Variants in UNC13C observed in about 807,000 individuals in gnomAD.
UNC13C encodes protein unc-13 homolog C.
Under a neutral mutation model 245.4 loss-of-function variants are expected in UNC13C, and 174 were observed. The observed-to-expected ratio is 0.71, with a 90% CI of 0.63 to 0.80. The LOEUF is 0.80. Among genes scored for constraint, UNC13C ranks in the 30% least tolerant of loss-of-function variants. The pLI is 0.00. For missense variants in UNC13C, 2,829 were observed against 2,602.9 expected (o/e 1.09, Z -1.89); for synonymous variants, 992 against 895.1 (o/e 1.11, Z -1.93).
At chr15:54,338,560 A>G (rs12913366) in intron 17 of UNC13C, 71 bp downstream of exon 17, 466,060 of 1,512,472 alleles carry the variant, frequency 0.31, 73,196 homozygotes, top group Admixed American at 0.36. Flanking sequence ...AGTTTAGCAT[A>G]ATAGTAAATA....
chr15:54,448,753 T>A (rs1365992117), intron 19 of UNC13C, among the ~76,000 whole-genome samples: 1 of 152,232 alleles, frequency 6.6e-6, no homozygotes, highest in Admixed American at 6.5e-5. Context: ...GTCTTTTAAT[T>A]GGAGCATTTA....
chr15:54,248,655 C>A (rs1349631054), intron 7 of UNC13C, among the ~76,000 whole-genome samples: 1 of 152,112 alleles, frequency 6.6e-6, no homozygotes, highest in East Asian at 1.9e-4. Flanking sequence ...TCTGAATAAA[C>A]CCTAATATTA....
the UNC13C span, among the ~76,000 whole-genome samples, chr15:53,923,425 C>A: frequency 6.6e-6 from 1 of 152,186 alleles, no homozygotes; most frequent in Non-Finnish European, 1.5e-5. Context: ...TTTACAGATT[C>A]TTCCATGATA....
At position 54,270,270 on chromosome 15, in the gene UNC13C, A is replaced by C. The variant is rs548607900; in HGVS notation, c.3818+4774A>C. Among the ~76,000 whole-genome samples the C allele has an allele frequency of 1.5e-4, 23 of 152,348 alleles. 2 individuals carry two copies. The South Asian group carries it at 4.6e-3, about 30-fold the overall frequency. ...TTCAGACGTTGAAAAATGTATACAC[A>C]TCACAGATGAACTCATCCATACCTT... On this transcript the variant is annotated intron_variant, in intron 10 of 32. Transcript: ENST00000260323.
chr15:54,424,468 G>A (rs928207471), intron 19 of UNC13C, among the ~76,000 whole-genome samples: 1 of 151,828 alleles, frequency 6.6e-6, no homozygotes, highest in African/African-American at 2.4e-5. Context: ...TGTTGGTTCT[G>A]TTGGGTTGAC....
chr15:54,307,845 T>G (rs1276584439), intron 13 of UNC13C, among the ~76,000 whole-genome samples: 1 of 151,938 alleles, frequency 6.6e-6, no homozygotes, highest in Admixed American at 6.6e-5. Flanking sequence ...AAAACAGAAG[T>G]GACATTTAAG....
the UNC13C span, among the ~76,000 whole-genome samples, chr15:53,931,819 C>G: frequency 3.3e-5 from 5 of 152,126 alleles, no homozygotes; most frequent in African/African-American, 1.2e-4. Flanking sequence ...AGAACATATG[C>G]TACAAATCAG....
chr15:54,507,219 C>T lies in UNC13C; in HGVS notation c.5379+25C>T, dbSNP rs374690510. ...GGTAAGTAAAAAATGTCTCTACTTT[C>T]AAGTATCTCTCAGTTGAGATTTACT... On this transcript the variant is annotated intron_variant, in intron 23 of 32. Coordinates refer to ENST00000260323, the MANE Select transcript of UNC13C (RefSeq NM_001080534.3). 17 of 1,453,704 alleles carry T rather than the reference C, an allele frequency of 1.2e-5. No individual in the cohort carries two copies. The African/African-American group carries it at 1.9e-4, about 17-fold the overall frequency. The allele number at this position is 1,453,704 out of a possible 1,614,324, so 90.1% of individuals were successfully genotyped here. A position where few individuals can be genotyped will look rare whatever the true frequency, so the allele number is the denominator to read the frequency against.
intron 19 of UNC13C, among the ~76,000 whole-genome samples, chr15:54,475,935 G>C (rs1382560573): frequency 1.8e-5 from 2 of 112,384 alleles, no homozygotes; most frequent in Non-Finnish European, 3.7e-5. Flanking sequence ...CAGTGTAAAA[G>C]TGTTCCTATT....
intron 10 of UNC13C, among the ~76,000 whole-genome samples, chr15:54,278,064 T>C (rs1014700007): frequency 2.0e-5 from 3 of 152,074 alleles, no homozygotes; most frequent in African/African-American, 7.2e-5. Flanking sequence ...AAATAACTCT[T>C]ATGTCAATGC....
the UNC13C span, among the ~76,000 whole-genome samples, chr15:53,933,146 T>C: frequency 1.3e-5 from 2 of 152,192 alleles, no homozygotes; most frequent in South Asian, 4.1e-4. Context: ...CAGATCCTTA[T>C]CATCTCAGCC....
chr15:54,264,847 G>A (rs934669296), intron 9 of UNC13C, among the ~76,000 whole-genome samples: 1 of 151,790 alleles, frequency 6.6e-6, no homozygotes, highest in Admixed American at 6.6e-5. Context: ...TTCTGAAGTT[G>A]CTTGTAATGT....
chr15:53,966,450 T>C, the UNC13C span, among the ~76,000 whole-genome samples: 1 of 152,204 alleles, frequency 6.6e-6, no homozygotes, highest in African/African-American at 2.4e-5. Context: ...ATAATATTCC[T>C]TGAGTTTTTA....
At chr15:54,631,589 C>T (rs770708763), downstream of UNC13C, 24 of 152,188 alleles carry the variant, frequency 1.6e-4, no homozygotes, top group Middle Eastern at 3.4e-3. Context: ...GTCATATAAA[C>T]GGAACTATAC....
intron 6 of UNC13C, 45 bp downstream of exon 6, chr15:54,236,480 C>T (rs1376789843): frequency 6.7e-7 from 1 of 1,488,092 alleles, no homozygotes; most frequent in African/African-American, 1.4e-5. Context: ...GCAGTCTTCT[C>T]AAACATACAC....
At chr15:54,525,258 TG>T (rs1012973105) in intron 24 of UNC13C, among the ~76,000 whole-genome samples, 3 of 152,194 alleles carry the variant, frequency 2.0e-5, no homozygotes, top group African/African-American at 7.2e-5. Flanking sequence ...AGGATATTTT[TG>T]TCATGCCTTG....
chr15:53,858,806 A>G, the UNC13C span, among the ~76,000 whole-genome samples: 1 of 152,190 alleles, frequency 6.6e-6, no homozygotes, highest in African/African-American at 2.4e-5. Context: ...ATAAGTATAA[A>G]TATGCATATG....
At chr15:54,548,628 T>C (rs1896600684) in intron 27 of UNC13C, among the ~76,000 whole-genome samples, 1 of 152,124 alleles carries the variant, frequency 6.6e-6, no homozygotes, top group Non-Finnish European at 1.5e-5. Flanking sequence ...GTTTTTCCCA[T>C]AAGCCCTATT....
chr15:54,187,109 T>G (rs1319328052), intron 4 of UNC13C, among the ~76,000 whole-genome samples: 3 of 152,006 alleles, frequency 2.0e-5, no homozygotes, highest in Non-Finnish European at 4.4e-5. Context: ...TGGCATCAAT[T>G]TTACACATAA....
Sources: allele counts gnomAD v4.1 joint callset (sites outside exome capture counted in the v4.1 genomes callset), GRCh38; gene constraint gnomAD v4.1.1; transcripts MANE v1.5; gene names NCBI Gene and HGNC (gene_info 2026-07-23, HGNC 2026-07-21).